The following ADGRE2 variants were observed in gnomAD, a reference collection of about 807,000 sequenced individuals.
ADGRE2 encodes the protein adhesion G protein-coupled receptor E2.
ADGRE2 carries 83 observed loss-of-function variants against 100.8 expected under a neutral mutation model. The ratio of observed to expected loss-of-function variants is 0.82; its 90% CI spans 0.69 to 0.99. ADGRE2 has a LOEUF of 0.99. ADGRE2 is among the 50% of genes least tolerant of loss of function. ADGRE2 has a pLI of 0.00. For missense variants in ADGRE2, 814 were observed against 1,035.7 expected (o/e 0.79, Z 2.94); for synonymous variants, 355 against 413.0 (o/e 0.86, Z 1.70).
intron 16 of ADGRE2, among the ~76,000 whole-genome samples, chr19:14,750,738 A>T (rs999184900): frequency 3.9e-5 from 6 of 152,314 alleles, no homozygotes; most frequent in African/African-American, 7.2e-5. Flanking sequence ...TTAGATTTTT[A>T]AAAAATGCTG....
chr19:14,765,314 C>T lies in ADGRE2; in HGVS notation c.906+6G>A, dbSNP rs376138174. The T allele has an allele frequency of 1.9e-6, 3 of 1,614,076 alleles. No homozygotes were observed. Among genetic ancestry groups the T allele is most frequent in the African/African-American group, 2.7e-5 (2 of 75,056 alleles). On this transcript the variant is annotated splice_donor_region_variant and intron_variant, in intron 10 of 20. Transcript: ENST00000315576. ...CTCGCCCCCTTGCCCTGGGTCCTGT[C>T]CTTACCTGGATGGTGTTATTGGCCA... is the stretch of plus-strand genomic sequence containing the variant.
In ADGRE2 at chr19:14,769,187, C is replaced by T. The variant is rs562829321; in HGVS notation, c.356-2078G>A. Among the ~76,000 whole-genome samples the T allele has an allele frequency of 4.0e-5, 6 of 151,272 alleles. No individual in the cohort carries two copies. In the South Asian group the frequency reaches 1.3e-3, roughly 32 times the overall value. On this transcript the variant is annotated intron_variant, in intron 5 of 20. Transcript: ENST00000315576. ...GGCGGATCACTTGAGGCCAGGAGTTCGAGACCAGCCTGGACAACATGGTGA... is the reference window on the plus strand; with the variant it reads ...GGCGGATCACTTGAGGCCAGGAGTTTGAGACCAGCCTGGACAACATGGTGA...
chr19:14,726,344 T>C, the ADGRE2 span, among the ~76,000 whole-genome samples: 1 of 152,176 alleles, frequency 6.6e-6, no homozygotes, highest in African/African-American at 2.4e-5. Flanking sequence ...CCGAAATGCC[T>C]TCAAAGCCTT....
At chr19:14,754,533 G>A (rs1599828891) in intron 14 of ADGRE2, among the ~76,000 whole-genome samples, 1 of 151,872 alleles carries the variant, frequency 6.6e-6, no homozygotes, top group South Asian at 2.1e-4. Context: ...CTAATACAAA[G>A]CTTAAGAGGG....
chr19:14,767,325 G>A (rs547259894), intron 5 of ADGRE2, among the ~76,000 whole-genome samples: 5 of 150,632 alleles, frequency 3.3e-5, no homozygotes, highest in East Asian at 3.9e-4. Context: ...TGCAACCTCC[G>A]CCTCCCGGGT....
chr19:14,749,192 A>G (rs905533049), intron 16 of ADGRE2, among the ~76,000 whole-genome samples: 2 of 148,186 alleles, frequency 1.3e-5, no homozygotes, highest in Non-Finnish European at 3.0e-5. Context: ...TTATATAACC[A>G]TATAATTATA....
intron 4 of ADGRE2, among the ~76,000 whole-genome samples, chr19:14,773,712 A>G (rs912507834): frequency 2.7e-5 from 4 of 150,324 alleles, no homozygotes; most frequent in Non-Finnish European, 5.9e-5. Flanking sequence ...GGGTCTCACC[A>G]TGTTGCCCAG....
chr19:14,724,422 G>T, the ADGRE2 span, among the ~76,000 whole-genome samples: 1 of 152,134 alleles, frequency 6.6e-6, no homozygotes, highest in Non-Finnish European at 1.5e-5. Flanking sequence ...TGGCTCACAC[G>T]AGGATGGGTC....
At chr19:14,747,356 C>T (rs1024857560) in intron 16 of ADGRE2, among the ~76,000 whole-genome samples, 14 of 151,896 alleles carry the variant, frequency 9.2e-5, no homozygotes, top group East Asian at 1.9e-4. Context: ...AAAAAATAGC[C>T]GGGTGTGGTG....
chr19:14,766,121 G>T (rs1348918373), intron 7 of ADGRE2, 114 bp downstream of exon 7: 6 of 1,548,392 alleles, frequency 3.9e-6, no homozygotes, highest in African/African-American at 1.4e-5. Flanking sequence ...AAGAATGAAC[G>T]CCTGACACAG....
the ADGRE2 span, among the ~76,000 whole-genome samples, chr19:14,725,831 G>C: frequency 6.6e-6 from 1 of 152,200 alleles, no homozygotes; most frequent in African/African-American, 2.4e-5. Flanking sequence ...TTGGAGTTGA[G>C]TGCCTGCAGG....
Position 14,752,460 on chromosome 19 carries a change from G to A in ADGRE2, c.1657C>T (p.Leu553=). 6.2e-7 allele frequency: 1 copy of A among 1,614,152 alleles called. No individual in the cohort carries two copies. The highest frequency in any genetic ancestry group is 8.5e-7 in the Non-Finnish European group (1 of 1,180,020). ...GLSVSLLCLL[L]AALTFLLCKA... is the part of the protein sequence containing the mutation. ...CACAGGAGAAAAGTGAGGGCCGCCA[G>A]GAGGAGGCACAGCAGAGAGACGCTC... The change falls in exon 15 of 21, where the codon CTG becomes TTG. Residue 553 remains leucine (L), a synonymous_variant. Coordinates refer to ENST00000315576, the MANE Select transcript of ADGRE2 (RefSeq NM_013447.4).
chr19:14,731,327 C>T, downstream of ADGRE2: 1 of 809,774 alleles, frequency 1.2e-6, no homozygotes, highest in African/African-American at 1.7e-5. Context: ...TGGCCTTGGA[C>T]TTTCAAACTT....
chr19:14,755,874 G>A lies in ADGRE2; in HGVS notation c.1196C>T (p.Pro399Leu). The A allele has an allele frequency of 4.3e-6, 7 of 1,613,556 alleles. No individual in the cohort carries two copies. The highest frequency in any genetic ancestry group is 5.1e-6 in the Non-Finnish European group (6 of 1,179,844). ...NQAQKSGDPG[P>L]SVVGLVSIPG... ...AATGGAGACAAGGCCCACCACAGAA[G>A]GGCCTGCAGGGCGAGGCCAAGGTTG... Residue 399 changes from proline (P) to leucine (L), a missense_variant, in exon 13 of 21, where the codon CCT becomes CTT. Pro to Leu is a moderately conservative substitution (Grantham distance 98). Coordinates refer to ENST00000315576, the MANE Select transcript of ADGRE2 (RefSeq NM_013447.4).
At position 14,733,652 on chromosome 19, in the gene ADGRE2, C is replaced by G. The variant is rs1331020200; in HGVS notation, c.*2584G>C. On this transcript the variant is annotated 3_prime_UTR_variant, in exon 21 of 21. Coordinates refer to ENST00000315576, the MANE Select transcript of ADGRE2 (RefSeq NM_013447.4). ...CTCTCCCACCCTAAATCCTTAAACA[C>G]TCTTAGTCTGTAGAAAAGACTCTAA... The G allele has an allele frequency of 6.6e-6, 1 of 152,242 alleles. No homozygotes were observed. The highest frequency in any genetic ancestry group is 2.4e-5 in the African/African-American group (1 of 41,452). The allele number at this position is 152,242 out of a possible 1,614,324, so 9.4% of individuals were successfully genotyped here.
rs183889390 is a variant in ADGRE2, at chr19:14,772,905, C to T, written c.200-408G>A. 4.9e-3 allele frequency among the ~76,000 whole-genome samples: 742 copies of T among 151,242 alleles called. 2 individuals are homozygous for T. Among genetic ancestry groups the T allele is most frequent in the Admixed American group, 7.6e-3 (115 of 15,116 alleles). On this transcript the variant is annotated intron_variant, in intron 4 of 20. Transcript: ENST00000315576. ...GACCAGCCTGCCAACAGGGCAAAAC[C>T]CCATCTCTACTAAAAATACAAAAAC...
In ADGRE2 at chr19:14,751,685, A is replaced by T; in HGVS notation, c.1789-14T>A. Reference sequence around the variant, plus strand: ...GGAGCACAGCACCTGGCGGAGAAGTAAAAGACGCCCAGAGCGGCGATCAGA... The same window carrying T: ...GGAGCACAGCACCTGGCGGAGAAGTTAAAGACGCCCAGAGCGGCGATCAGA... On this transcript the variant is annotated splice_polypyrimidine_tract_variant and intron_variant, in intron 15 of 20. Coordinates refer to ENST00000315576, the MANE Select transcript of ADGRE2 (RefSeq NM_013447.4). 6.2e-7 allele frequency: 1 copy of T among 1,602,064 alleles called. No homozygotes were observed.
the ADGRE2 span, among the ~76,000 whole-genome samples, chr19:14,724,492 G>A: frequency 2.6e-5 from 4 of 152,296 alleles, no homozygotes; most frequent in East Asian, 1.9e-4. Flanking sequence ...TAAGCCGGGC[G>A]CAGTGGCTCA....
At position 14,752,343 on chromosome 19, in the gene ADGRE2, G is replaced by T; in HGVS notation, c.1774C>A (p.Gln592Lys). 1.2e-6 allele frequency: 2 copies of T among 1,614,096 alleles called. No individual in the cohort carries two copies. Among genetic ancestry groups the T allele is most frequent in the South Asian group, 2.2e-5 (2 of 91,044 alleles). ...AHLLFLVAID[Q>K]TGHKVLCSII... ...GCTGTCAATACCTTGTGTCCGGTTT[G>T]ATCAATTGCCACGAGGAAGAGGAGG... The change falls in exon 15 of 21, where the codon CAA (glutamine) becomes AAA (lysine). Residue 592 changes from glutamine to lysine, a missense_variant. Physicochemically the swap from Gln to Lys is moderately conservative, Grantham distance 53. Around this residue, in one of 5 missense-constraint regions of ADGRE2, gnomAD observed 569 missense variants for 692.7 expected, o/e 0.82. Transcript: ENST00000315576.
Sources: allele counts gnomAD v4.1 joint callset (sites outside exome capture counted in the v4.1 genomes callset), GRCh38; gene constraint gnomAD v4.1.1; regional missense constraint gnomAD v4.1.1; transcripts MANE v1.5; gene names NCBI Gene and HGNC (gene_info 2026-07-23, HGNC 2026-07-21).